The following GABRB3 variants were observed in gnomAD, a reference collection of about 807,000 sequenced individuals.
GABRB3 encodes the protein gamma-aminobutyric acid receptor subunit beta-3.
In GABRB3, 14 loss-of-function variants were observed where a neutral mutation model predicts 52.1. That is an observed-to-expected ratio of 0.27 (90% confidence interval 0.18 to 0.42). GABRB3 has a LOEUF of 0.42. Ranked by LOEUF, GABRB3 falls within the 10% of genes least tolerant of loss-of-function variation. GABRB3 has a pLI of 1.00. For synonymous variants in GABRB3, 260 were observed against 232.3 expected (o/e 1.12, Z -1.08); for missense variants, 307 against 609.1 (o/e 0.50, Z 5.22).
At position 26,754,937 on chromosome 15, in the gene GABRB3, G is replaced by A. The variant is rs533897472; in HGVS notation, c.240+17465C>T. Among the ~76,000 whole-genome samples the A allele has an allele frequency of 1.5e-3, 220 of 151,532 alleles. 2 individuals are homozygous for A. Among genetic ancestry groups the A allele is most frequent in the African/African-American group, 5.0e-3 (208 of 41,388 alleles). On this transcript the variant is annotated intron_variant, in intron 3 of 8. Transcript: ENST00000311550. ...GAGATAAAACACAGGATTAAACGGA[G>A]ATTTAAATCCCTTGGTAGAATCTGA... is the stretch of plus-strand genomic sequence containing the variant.
chr15:26,663,487 T>A lies in GABRB3; in HGVS notation c.241-41953A>T, dbSNP rs538086129. Among the ~76,000 whole-genome samples, 11 of 152,356 alleles carry A rather than the reference T, an allele frequency of 7.2e-5. No individual in the cohort carries two copies. The South Asian group carries it at 8.3e-4, about 11-fold the overall frequency. On this transcript the variant is annotated intron_variant, in intron 3 of 8. Coordinates refer to ENST00000311550, the MANE Select transcript of GABRB3 (RefSeq NM_000814.6). ...TTGTGATGTGATGTCCTTCTTTTCA[T>A]TGCTCTTTAATCTACATTATCTGAC... is the stretch of plus-strand genomic sequence containing the variant.
At chr15:26,773,763 TC>T (rs1891229830), upstream of GABRB3, 2 of 1,531,640 alleles carry the variant, frequency 1.3e-6, no homozygotes, top group Admixed American at 2.0e-5. Context: ...GGATCCGCTC[TC>T]CCCCCTACTC....
intron 3 of GABRB3, among the ~76,000 whole-genome samples, chr15:26,666,878 G>A (rs1376340320): frequency 1.3e-5 from 2 of 152,164 alleles, no homozygotes; most frequent in African/African-American, 4.8e-5. Context: ...GAGCAAGAAG[G>A]ATCAGGGCTC....
Position 26,772,663 on chromosome 15 carries a change from C to A in GABRB3, c.172+18G>T. ...CGTGGGTCGCGCTTCCCGCAACGGC[C>A]GCGCGCAGCCCACTTACCCCCGAAG... On this transcript the variant is annotated intron_variant, in intron 2 of 8. Transcript: ENST00000311550. 2 of 1,554,656 alleles carry A rather than the reference C, an allele frequency of 1.3e-6. No individual in the cohort carries two copies. Among genetic ancestry groups the A allele is most frequent in the Non-Finnish European group, 8.7e-7 (1 of 1,150,296 alleles).
At chr15:26,703,986 G>A (rs1889016977) in intron 3 of GABRB3, among the ~76,000 whole-genome samples, 1 of 152,198 alleles carries the variant, frequency 6.6e-6, no homozygotes, top group Non-Finnish European at 1.5e-5. Flanking sequence ...GGTCTTGGTG[G>A]CAGCCAGGCC....
intron 8 of GABRB3, among the ~76,000 whole-genome samples, chr15:26,548,771 T>G (rs1889353648): frequency 6.6e-6 from 1 of 152,176 alleles, no homozygotes; most frequent in South Asian, 2.1e-4. Context: ...AACTTTACAA[T>G]GATAGCATTT....
At chr15:26,688,834 G>T (rs1888488679) in intron 3 of GABRB3, among the ~76,000 whole-genome samples, 1 of 152,204 alleles carries the variant, frequency 6.6e-6, no homozygotes, top group Non-Finnish European at 1.5e-5. Context: ...TTCCATAGAT[G>T]ATTTCAGCTG....
intron 3 of GABRB3, among the ~76,000 whole-genome samples, chr15:26,723,010 A>G (rs1889683278): frequency 6.6e-6 from 1 of 152,218 alleles, no homozygotes; most frequent in Non-Finnish European, 1.5e-5. Context: ...CTCAACCTTA[A>G]GACATTCAGA....
chr15:26,647,984 G>A (rs370458188), intron 3 of GABRB3, among the ~76,000 whole-genome samples: 1 of 152,152 alleles, frequency 6.6e-6, no homozygotes, highest in African/African-American at 2.4e-5. Context: ...AACCAATTGT[G>A]GTAAAACACA....
intron 3 of GABRB3, among the ~76,000 whole-genome samples, chr15:26,627,188 C>A (rs1345197540): frequency 6.6e-6 from 1 of 151,264 alleles, no homozygotes; most frequent in African/African-American, 2.4e-5. Context: ...TATTTTTAAC[C>A]CACAGTTGAG....
chr15:26,668,156 G>A (rs1053468134), intron 3 of GABRB3, among the ~76,000 whole-genome samples: 14 of 151,966 alleles, frequency 9.2e-5, no homozygotes, highest in Admixed American at 2.6e-4. Context: ...CCTATAGAAA[G>A]GGAACAGTAA....
chr15:26,552,457 T>C (rs533126828), intron 8 of GABRB3, among the ~76,000 whole-genome samples: 1 of 152,320 alleles, frequency 6.6e-6, no homozygotes, highest in South Asian at 2.1e-4. Context: ...CAAGAGGATA[T>C]GGCAGGAGAA....
At chr15:26,625,330 C>G in intron 3 of GABRB3, 1 of 322,664 alleles carries the variant, frequency 3.1e-6, no homozygotes, top group African/African-American at 2.2e-5. Flanking sequence ...ACACCCAACC[C>G]ATCGCCAAAC....
chr15:26,548,649 C>T (rs1232081003), intron 8 of GABRB3, among the ~76,000 whole-genome samples: 1 of 152,086 alleles, frequency 6.6e-6, no homozygotes, highest in African/African-American at 2.4e-5. Context: ...ACAGACACCC[C>T]CCAACCCCAA....
At chr15:26,586,724 A>C (rs1891008488) in intron 4 of GABRB3, among the ~76,000 whole-genome samples, 1 of 149,914 alleles carries the variant, frequency 6.7e-6, no homozygotes, top group East Asian at 1.9e-4. Flanking sequence ...GAGAAAGCGA[A>C]GAAGGAAATT....
intron 3 of GABRB3, chr15:26,642,295 G>T: frequency 3.2e-6 from 1 of 313,952 alleles, no homozygotes; most frequent in Non-Finnish European, 6.3e-6. Context: ...TTCGTGTATG[G>T]TATACATGGG....
chr15:26,664,388 T>C (rs567373845), intron 3 of GABRB3, among the ~76,000 whole-genome samples: 6 of 152,284 alleles, frequency 3.9e-5, no homozygotes, highest in Non-Finnish European at 7.4e-5. Flanking sequence ...ACTCATACCA[T>C]GTTCAGGGTG....
chr15:26,564,098 G>A (rs1890080024), intron 7 of GABRB3, among the ~76,000 whole-genome samples: 1 of 152,142 alleles, frequency 6.6e-6, no homozygotes, highest in Middle Eastern at 3.4e-3. Flanking sequence ...AATCTGGAAC[G>A]TTTTGAGCAC....
At chr15:26,668,021 G>A (rs772469653) in intron 3 of GABRB3, among the ~76,000 whole-genome samples, 25 of 152,212 alleles carry the variant, frequency 1.6e-4, no homozygotes, top group Non-Finnish European at 2.5e-4. Flanking sequence ...GATTCCCTGC[G>A]TAACACCCTG....
Sources: gnomAD v4.1 joint callset for allele counts (sites outside exome capture counted in the v4.1 genomes callset) on GRCh38, gnomAD v4.1.1 for gene constraint, MANE v1.5 for transcripts, NCBI Gene and HGNC (gene_info 2026-07-23, HGNC 2026-07-21) for gene names.